The following ZNF160 variants were observed in gnomAD, a reference collection of about 807,000 sequenced individuals.
The protein encoded by ZNF160 is KRAB zinc finger protein KR18.
In ZNF160, 9 loss-of-function variants were observed where a neutral mutation model predicts 13.1. That is an observed-to-expected ratio of 0.69 (90% CI 0.41 to 1.20). The LOEUF is 1.20. ZNF160 is among the 50% of genes most tolerant of loss of function. The pLI, the probability that ZNF160 is intolerant of heterozygous loss-of-function variation, is 0.01. For missense variants in ZNF160, 838 were observed against 988.0 expected, an observed-to-expected ratio of 0.85 and a Z score of 2.04; for synonymous variants, 293 against 333.2, an observed-to-expected ratio of 0.88 and a Z score of 1.31.
intron 3 of ZNF160, chr19:53,085,267 C>T (rs2084787966): frequency 1.1e-6 from 1 of 932,214 alleles, no homozygotes; most frequent in African/African-American, 1.8e-5. Flanking sequence ...TAACATATCA[C>T]AACCAAACAT....
chr19:53,073,062 T>C (rs1568479378), intron 5 of ZNF160: 4 of 767,526 alleles, frequency 5.2e-6, no homozygotes, highest in East Asian at 4.6e-5. Flanking sequence ...TATTACCATA[T>C]AAGTCATCTC....
intron 3 of ZNF160, chr19:53,075,487 C>A: frequency 2.7e-6 from 1 of 363,876 alleles, no homozygotes; most frequent in South Asian, 2.3e-5. Context: ...TGGGTGGTCA[C>A]TGGAAAGGCT....
At chr19:53,087,060 G>A (rs554455862) in intron 2 of ZNF160, among the ~76,000 whole-genome samples, 4 of 152,306 alleles carry the variant, frequency 2.6e-5, no homozygotes, top group East Asian at 3.9e-4. Context: ...ACGTTTCCAC[G>A]GAGGAAGTGA....
Position 53,070,058 on chromosome 19 carries a change from T to C in ZNF160, c.476A>G (p.Gln159Arg), listed in dbSNP as rs138893110. The C allele has an allele frequency of 8.1e-5, 130 of 1,614,000 alleles. No individual in the cohort carries two copies. Among genetic ancestry groups the C allele is most frequent in the Middle Eastern group, 6.6e-4 (4 of 6,084 alleles). The change falls in exon 6 of 6, where the codon CAG becomes CGG. Residue 159 changes from glutamine to arginine, a missense_variant. Physicochemically the swap from Gln to Arg is conservative, Grantham distance 43. This residue lies in a region of ZNF160 where 387 missense variants were observed against 402.3 expected (regional missense o/e 0.96). Transcript: ENST00000683776. ...TGNYKGVLMAQKEGKRDQRDR... is the reference protein window; with the variant it reads ...TGNYKGVLMARKEGKRDQRDR... ...GCGTTGATCTCTTTTACCTTCTTTC[T>C]GGGCCATAAGCACTCCCTTGTAATT...
intron 3 of ZNF160, among the ~76,000 whole-genome samples, chr19:53,078,452 T>G (rs1257125386): frequency 6.7e-6 from 1 of 149,324 alleles, no homozygotes; most frequent in African/African-American, 2.5e-5. Context: ...AGAAGAATGA[T>G]GAAGATAGCC....
intron 5 of ZNF160, among the ~76,000 whole-genome samples, chr19:53,070,484 C>T (rs1323064394): frequency 6.6e-6 from 1 of 151,638 alleles, no homozygotes. Flanking sequence ...GATCTTGGCT[C>T]ACTGCAAGCT....
In ZNF160 at chr19:53,069,947, T is replaced by C; in HGVS notation, c.587A>G (p.Gln196Arg). The change falls in exon 6 of 6, where the codon CAA (glutamine) becomes CGA (arginine). Residue 196 changes from glutamine to arginine, a missense_variant. By Grantham distance (43) the Gln-to-Arg change is conservative. Around this residue, in one of 3 missense-constraint regions of ZNF160, gnomAD observed 387 missense variants for 402.3 expected, o/e 0.96. Transcript: ENST00000683776. The surrounding 1 kb of genome is among the most constrained non-coding windows in gnomAD (Gnocchi z 4.4). The part of the protein sequence containing the change: ...HSHLPELQLF[Q>R]GEGKMYECNQ... The stretch of plus-strand genomic sequence containing the variant: ...ACATTCATACATTTTCCCCTCACCT[T>C]GAAATAGCTGCAGTTCAGGCAGATG... The C allele has an allele frequency of 2.5e-6, 4 of 1,614,172 alleles. No individual in the cohort carries two copies. Among genetic ancestry groups the C allele is most frequent in the Non-Finnish European group, 3.4e-6 (4 of 1,180,040 alleles).
At chr19:53,082,491 T>C (rs1236799013) in intron 3 of ZNF160, among the ~76,000 whole-genome samples, 1 of 151,866 alleles carries the variant, frequency 6.6e-6, no homozygotes, top group Admixed American at 6.6e-5. Flanking sequence ...GCCTGGGAAA[T>C]ACAATGAAAC....
rs912371048 is a variant in ZNF160 at position 53,067,099 on chromosome 19, A to C, written c.*978T>G. ...CCTGGCCTCTCTCTTCAATTTCAAA[A>C]CAAGATCAATTTTTCATCACTCTTT... On this transcript the variant is annotated 3_prime_UTR_variant, in exon 6 of 6. Transcript: ENST00000683776. 4 of 152,128 alleles carry C rather than the reference A, an allele frequency of 2.6e-5. No individual in the cohort carries two copies. The highest frequency in any genetic ancestry group is 9.7e-5 in the African/African-American group (4 of 41,404). The allele number at this position is 152,128 out of a possible 1,614,324, so 9.4% of individuals were successfully genotyped here.
At chr19:53,086,561 C>CCA (rs199936810) in intron 2 of ZNF160, among the ~76,000 whole-genome samples, 3,393 of 152,080 alleles carry the variant, frequency 0.022, 124 homozygotes, top group African/African-American at 0.075. Context: ...CTGGAGAAGC[C>CCA]CACACACACT....
intron 1 of ZNF160, among the ~76,000 whole-genome samples, chr19:53,102,651 T>G (rs2085488294): frequency 6.6e-6 from 1 of 152,216 alleles, no homozygotes; most frequent in African/African-American, 2.4e-5. Flanking sequence ...ATTTTTCTTT[T>G]CTCTTTCTTG....
intron 3 of ZNF160, among the ~76,000 whole-genome samples, chr19:53,076,291 TACTG>T (rs879843363): frequency 1.2e-4 from 19 of 152,242 alleles, no homozygotes; most frequent in Non-Finnish European, 1.8e-4. Flanking sequence ...ATGTTTGACA[TACTG>T]AGTGATATTC....
At chr19:53,085,935 C>T in intron 3 of ZNF160, 1 of 1,053,390 alleles carries the variant, frequency 9.5e-7, no homozygotes, top group Non-Finnish European at 1.4e-6. Flanking sequence ...ATGGTTTACA[C>T]AGCGCTGACA....
chr19:53,085,394 G>A (rs1195209299), intron 3 of ZNF160: 1 of 167,552 alleles, frequency 6.0e-6, no homozygotes, highest in Non-Finnish European at 1.2e-5. Flanking sequence ...GTGAGGGAGG[G>A]TGGAAGGCTG....
intron 5 of ZNF160, among the ~76,000 whole-genome samples, chr19:53,073,679 A>G (rs1232261062): frequency 6.6e-6 from 1 of 152,222 alleles, no homozygotes; most frequent in Non-Finnish European, 1.5e-5. Context: ...GGAACCATAG[A>G]GTTCAAATGA....
intron 1 of ZNF160, among the ~76,000 whole-genome samples, chr19:53,092,474 C>A (rs1181570174): frequency 6.6e-6 from 1 of 152,120 alleles, no homozygotes; most frequent in Admixed American, 6.6e-5. Flanking sequence ...CTAGGCCCAG[C>A]TAATTTTTTT....
At chr19:53,102,351 C>T (rs2085476813) in intron 1 of ZNF160, among the ~76,000 whole-genome samples, 2 of 152,140 alleles carry the variant, frequency 1.3e-5, no homozygotes, top group Admixed American at 6.5e-5. Context: ...TGTGGTGCTC[C>T]CTCTGCTCGC....
chr19:53,091,881 C>T (rs1308344018), intron 1 of ZNF160, among the ~76,000 whole-genome samples, 161 bp from the exon 2 acceptor site: 2 of 152,216 alleles, frequency 1.3e-5, no homozygotes, highest in East Asian at 1.9e-4. Context: ...GGAAGGACAG[C>T]GTCAACCTCG....
In ZNF160 at chr19:53,068,067, C is replaced by A; in HGVS notation, c.*10G>T. ...AAAGGAGTGAATTGTACCTAATGAC[C>A]TCACCACACTCATTTGTAAGGTTTC... On this transcript the variant is annotated 3_prime_UTR_variant, in exon 6 of 6. Coordinates refer to ENST00000683776, the MANE Select transcript of ZNF160 (RefSeq NM_001322131.2). 1.9e-6 allele frequency: 3 copies of A among 1,586,786 alleles called. No homozygotes were observed. The highest frequency in any genetic ancestry group is 2.6e-6 in the Non-Finnish European group (3 of 1,165,872).
Sources: gnomAD v4.1 joint callset for allele counts (sites outside exome capture counted in the v4.1 genomes callset) on GRCh38, gnomAD v4.1.1 for gene constraint, gnomAD v4.1.1 regional missense constraint, Gnocchi (gnomAD v3.1) non-coding constraint, MANE v1.5 for transcripts, NCBI Gene and HGNC (gene_info 2026-07-23, HGNC 2026-07-21) for gene names.